ABCA7: variants seen among roughly 807,000 people sequenced by gnomAD.
ABCA7 encodes the protein phospholipid-transporting ATPase ABCA7.
Under a neutral mutation model 227.6 loss-of-function variants are expected in ABCA7, and 261 were observed. That is an observed-to-expected ratio of 1.15 (90% CI 1.04 to 1.27). ABCA7 has a LOEUF of 1.27. Ranked by LOEUF, ABCA7 falls within the 50% of genes most tolerant of loss-of-function variation. ABCA7 has a pLI of 0.00. For synonymous variants in ABCA7, 1,488 were observed against 1,279.7 expected, an observed-to-expected ratio of 1.16 and a Z score of -3.47; for missense variants, 3,331 against 2,924.5, an observed-to-expected ratio of 1.14 and a Z score of -3.21.
At position 1,040,205 on chromosome 19, in the gene ABCA7, G is replaced by T; in HGVS notation, c.-138+9G>T. The T allele has an allele frequency of 6.6e-6, 1 of 152,426 alleles. No homozygotes were observed. 9.4% of individuals were successfully genotyped at this position (152,426 alleles called of 1,614,324 possible). On this transcript the variant is annotated intron_variant, in intron 1 of 46. Transcript: ENST00000263094. ...TGCGGAGCCCCTGGAAGGTGAGAAG[G>T]ACTCGGAGAGGGAAGAAGGCCCGAG...
chr19:1,057,790 A>G, intron 35 of ABCA7, 125 bp from the exon 36 acceptor site: 1 of 1,308,748 alleles, frequency 7.6e-7, no homozygotes, highest in Non-Finnish European at 1.0e-6. Flanking sequence ...AAAAAAAAAA[A>G]CAGAAATGTG....
At chr19:1,057,512 A>C (rs1240488217) in intron 35 of ABCA7, 83 bp downstream of exon 35, 3 of 1,335,254 alleles carry the variant, frequency 2.2e-6, no homozygotes, top group Non-Finnish European at 3.2e-6. Flanking sequence ...AGAACTCTGC[A>C]GTGACTCCCA....
chr19:1,057,242 G>A lies in ABCA7; in HGVS notation c.4765-72G>A. The A allele has an allele frequency of 2.5e-6, 4 of 1,583,292 alleles. No individual in the cohort carries two copies. The South Asian group carries it at 3.3e-5, about 13-fold the overall frequency. Reference sequence around the variant, plus strand: ...CTACTCAAAAAGCAAGGAGGTCAGGGTGGGAACAGGGCTGAGGGTGGCAGT... The same window carrying A: ...CTACTCAAAAAGCAAGGAGGTCAGGATGGGAACAGGGCTGAGGGTGGCAGT... On this transcript the variant is annotated intron_variant, in intron 34 of 46. Transcript: ENST00000263094.
At chr19:1,046,475 GCT>G (rs1473386815) in intron 13 of ABCA7, 69 bp downstream of exon 13, 1 of 1,503,594 alleles carries the variant, frequency 6.7e-7, no homozygotes, top group African/African-American at 1.4e-5. Context: ...GTGGGCCCAG[GCT>G]CTGTTGGGAA....
chr19:1,049,011 G>C lies in ABCA7; in HGVS notation c.2380+6G>C. 6.5e-7 allele frequency: 1 copy of C among 1,542,424 alleles called. No individual in the cohort carries two copies. Among genetic ancestry groups the C allele is most frequent in the Non-Finnish European group, 8.8e-7 (1 of 1,134,540 alleles). On this transcript the variant is annotated splice_donor_region_variant and intron_variant, in intron 17 of 46. Coordinates refer to ENST00000263094, the MANE Select transcript of ABCA7 (RefSeq NM_019112.4). ...CACCCCGCTGGACCCAAAGGGTGAG[G>C]CACTACGAGGCTTAATAGCTGGTTG...
Position 1,058,648 on chromosome 19 carries a change from G to A in ABCA7, c.5180G>A (p.Trp1727Ter), listed in dbSNP as rs970421986. 1 of 1,613,936 alleles carries A rather than the reference G, an allele frequency of 6.2e-7. No individual in the cohort carries two copies. The highest frequency in any genetic ancestry group is 1.3e-5 in the African/African-American group (1 of 75,038). Residue 1727 changes from tryptophan to a stop codon, truncating the protein, a stop_gained, in exon 38 of 47, where the codon TGG becomes TAG. Coordinates refer to ENST00000263094, the MANE Select transcript of ABCA7 (RefSeq NM_019112.4). LOFTEE classifies it high-confidence loss of function. The part of the protein sequence containing the change: ...GDRQFQSPLR[W>*]EVVGKNLLAM... ...AGGCAGTTCCAGTCACCCCTGCGCT[G>A]GGAGGTGGTCGGCAAGAACCTCTTG...
intron 1 of ABCA7, among the ~76,000 whole-genome samples, chr19:1,040,414 G>T (rs749967786): frequency 2.0e-5 from 3 of 152,128 alleles, no homozygotes; most frequent in Non-Finnish European, 4.4e-5. Context: ...GCAGCCCCCT[G>T]CCCGTTAGAA....
At chr19:1,043,549 G>C (rs1355814455) in intron 9 of ABCA7, 76 bp downstream of exon 9, 1 of 1,606,746 alleles carries the variant, frequency 6.2e-7, no homozygotes, top group East Asian at 2.2e-5. Context: ...AGGTGGGCCA[G>C]GGCCAGGCCG....
intron 13 of ABCA7, 81 bp from the exon 14 acceptor site, chr19:1,046,721 C>T (rs1388539305): frequency 1.4e-6 from 2 of 1,397,598 alleles, no homozygotes; most frequent in African/African-American, 1.4e-5. Context: ...TCCCGGGACA[C>T]GAACCAGTCG....
In ABCA7 at chr19:1,043,367, A is replaced by G. The variant is rs1385330361; in HGVS notation, c.824A>G (p.Asp275Gly). ...PACSELIGALDSHPLSRLLWR... is the reference protein window; with the variant it reads ...PACSELIGALGSHPLSRLLWR... The stretch of plus-strand genomic sequence containing the variant: ...TGCTCGGAGCTGATTGGAGCCCTGG[A>G]CAGCCACCCGCTGTCCCGCCTGCTC... Residue 275 changes from aspartate to glycine, a missense_variant, in exon 9 of 47, where the codon GAC (aspartate) becomes GGC (glycine). Coordinates refer to ENST00000263094, the MANE Select transcript of ABCA7 (RefSeq NM_019112.4). 6.2e-6 allele frequency: 10 copies of G among 1,613,132 alleles called. No homozygotes were observed. The South Asian group carries it at 1.1e-4, about 18-fold the overall frequency.
At chr19:1,063,946 G>T (rs2042860873) in intron 44 of ABCA7, 83 bp downstream of exon 44, 2 of 1,446,864 alleles carry the variant, frequency 1.4e-6, no homozygotes, top group Non-Finnish European at 1.8e-6. Flanking sequence ...GGCCACAGGG[G>T]ATGGGGGGTC....
rs778713340 is a variant in ABCA7, at chr19:1,042,086, G to A, written c.325G>A (p.Ala109Thr). ...CAGGGTCTCCCGGCTGCTAGCCGAT[G>A]CCCGCACTGTGCTGGGAGGGGCCAG... The part of the protein sequence containing the change: ...DSLVSRLLAD[A>T]RTVLGGASAH... Residue 109 changes from alanine to threonine, a missense_variant, in exon 5 of 47, where the codon GCC becomes ACC. Transcript: ENST00000263094. 6 of 1,596,788 alleles carry A rather than the reference G, an allele frequency of 3.8e-6. No homozygotes were observed. In the South Asian group the frequency reaches 5.5e-5, roughly 15 times the overall value.
At position 1,056,836 on chromosome 19, in the gene ABCA7, G is replaced by A; in HGVS notation, c.4587-71G>A. On this transcript the variant is annotated intron_variant, in intron 33 of 46. Coordinates refer to ENST00000263094, the MANE Select transcript of ABCA7 (RefSeq NM_019112.4). This position sits in a 1 kb window ranked among gnomAD's most constrained non-coding sequence, Gnocchi z 4.3. The stretch of plus-strand genomic sequence containing the variant: ...CCCATAGACCTTTGTCCCATCAATG[G>A]CGTGTTCAGCTCTGCTCTGAGCAAC... 4 of 1,501,248 alleles carry A rather than the reference G, an allele frequency of 2.7e-6. No individual in the cohort carries two copies. The highest frequency in any genetic ancestry group is 1.2e-5 in the South Asian group (1 of 81,328). 93.0% of individuals were successfully genotyped at this position (1,501,248 alleles called of 1,614,324 possible).
rs1228686207 is a variant in ABCA7 at position 1,054,218 on chromosome 19, G to C, written c.3603G>C (p.Gln1201His). Residue 1201 changes from glutamine to histidine, a missense_variant, in exon 27 of 47, where the codon CAG (glutamine) becomes CAC (histidine). Coordinates refer to ENST00000263094, the MANE Select transcript of ABCA7 (RefSeq NM_019112.4). The surrounding 1 kb of genome is among the most constrained non-coding windows in gnomAD (Gnocchi z 4.8). The part of the protein sequence containing the change: ...EPAGSAPETD[Q>H]GSGPDAVGRV... ...CTGGGTCAGCCCCAGAGACTGACCAGGGCTCTGGGCCAGACGCCGTGGGCC... is the reference window on the plus strand; with the variant it reads ...CTGGGTCAGCCCCAGAGACTGACCACGGCTCTGGGCCAGACGCCGTGGGCC... 1.9e-6 allele frequency: 3 copies of C among 1,608,570 alleles called. No homozygotes were observed. The highest frequency in any genetic ancestry group is 1.3e-5 in the African/African-American group (1 of 74,930).
chr19:1,047,626 CACCTGGT>C lies in ABCA7; in HGVS notation c.2248_2254del (p.Tyr750LysfsTer45), dbSNP rs2040840118. 6 of 1,599,282 alleles carry C rather than the reference CACCTGGT, an allele frequency of 3.8e-6. No homozygotes were observed. The highest frequency in any genetic ancestry group is 5.1e-6 in the Non-Finnish European group (6 of 1,177,568). On this transcript the variant is annotated frameshift_variant, in exon 16 of 47. Coordinates refer to ENST00000263094, the MANE Select transcript of ABCA7 (RefSeq NM_019112.4). LOFTEE classifies it high-confidence loss of function. The stretch of plus-strand genomic sequence containing the variant: ...TGGACGCGGCGCTCTACGGCCTCGC[CACCTGGT>C]ACCTGGAAGCTGTGTGCCCAGGTGG...
chr19:1,061,951 C>T, intron 41 of ABCA7, 63 bp downstream of exon 41: 1 of 1,482,268 alleles, frequency 6.7e-7, no homozygotes, highest in South Asian at 1.3e-5. Flanking sequence ...TGTGCTTCCC[C>T]ACCCCTCCAC....
Position 1,041,579 on chromosome 19 carries a change from C to T in ABCA7, c.136C>T (p.His46Tyr), listed in dbSNP as rs1419236632. 9 of 1,612,630 alleles carry T rather than the reference C, an allele frequency of 5.6e-6. No homozygotes were observed. In the African/African-American group the frequency reaches 1.1e-4, roughly 19 times the overall value. Residue 46 changes from histidine (H) to tyrosine (Y), a missense_variant, in exon 3 of 47, where the codon CAC becomes TAC. Transcript: ENST00000263094. ...FFILVAVRHS[H>Y]PPLEHHECHF... ...CATCCTGGTGGCTGTTCGCCACTCC[C>T]ACCCGCCCCTGGAGCACCATGAATG... is the stretch of plus-strand genomic sequence containing the variant.
chr19:1,052,332 G>A (rs1410491191), intron 23 of ABCA7, 46 bp downstream of exon 23: 2 of 1,511,378 alleles, frequency 1.3e-6, no homozygotes, highest in Non-Finnish European at 1.8e-6. Flanking sequence ...CAGTGGGGTG[G>A]CTGTGCCTTA....
chr19:1,063,458 C>A, intron 42 of ABCA7, 86 bp from the exon 43 acceptor site: 1 of 1,530,638 alleles, frequency 6.5e-7, no homozygotes. Flanking sequence ...CCCTGCTCCA[C>A]ACTCAATGCT....
Sources: allele counts gnomAD v4.1 joint callset (sites outside exome capture counted in the v4.1 genomes callset), GRCh38; gene constraint gnomAD v4.1.1; non-coding constraint Gnocchi (gnomAD v3.1); transcripts MANE v1.5; gene names NCBI Gene and HGNC (gene_info 2026-07-23, HGNC 2026-07-21).